BAIAP2L1: variants seen among roughly 807,000 people sequenced by gnomAD.
BAIAP2L1 encodes the protein BAR/IMD domain containing adaptor protein 2 like 1.
A neutral mutation model predicts 66.3 loss-of-function variants in BAIAP2L1; 35 were observed. That is an observed-to-expected ratio of 0.53 (90% CI 0.40 to 0.70). The LOEUF is 0.70. Among genes scored for constraint, BAIAP2L1 ranks in the 30% least tolerant of loss-of-function variants. BAIAP2L1 has a pLI of 0.00. For synonymous variants in BAIAP2L1, 269 were observed against 248.7 expected, an observed-to-expected ratio of 1.08 and a Z score of -0.77; for missense variants, 622 against 656.9, an observed-to-expected ratio of 0.95 and a Z score of 0.58.
intron 3 of BAIAP2L1, among the ~76,000 whole-genome samples, chr7:98,346,045 T>C (rs1475225381): frequency 6.6e-6 from 1 of 152,216 alleles, no homozygotes; most frequent in Non-Finnish European, 1.5e-5. Context: ...GAAAATATCC[T>C]AAAGTTAATT....
At chr7:98,308,813 G>C (rs1800762956) in intron 9 of BAIAP2L1, 1 of 153,972 alleles carries the variant, frequency 6.5e-6, no homozygotes, top group South Asian at 2.0e-4. Context: ...AAGTAGCTGG[G>C]ACTACAGGCA....
intron 3 of BAIAP2L1, among the ~76,000 whole-genome samples, chr7:98,329,075 AAC>A (rs1369555771): frequency 6.6e-6 from 1 of 152,212 alleles, no homozygotes; most frequent in African/African-American, 2.4e-5. Context: ...TCCATCAGAG[AAC>A]ACACACATCT....
chr7:98,398,381 T>C (rs1355353583), intron 1 of BAIAP2L1, among the ~76,000 whole-genome samples: 1 of 152,124 alleles, frequency 6.6e-6, no homozygotes, highest in East Asian at 1.9e-4. Flanking sequence ...CACTTTGCAC[T>C]GCCAAAGCCA....
intron 3 of BAIAP2L1, among the ~76,000 whole-genome samples, chr7:98,334,614 G>A (rs1054142816): frequency 1.3e-5 from 2 of 151,734 alleles, no homozygotes; most frequent in Non-Finnish European, 1.5e-5. Context: ...GCACGACCTC[G>A]GCTCACTGCA....
chr7:98,302,114 C>T (rs1800453762), intron 12 of BAIAP2L1, among the ~76,000 whole-genome samples: 1 of 152,222 alleles, frequency 6.6e-6, no homozygotes, highest in Non-Finnish European at 1.5e-5. Context: ...GTCACCTTTC[C>T]ACTCCCCAGT....
At chr7:98,387,439 CG>C (rs771426508) in intron 1 of BAIAP2L1, among the ~76,000 whole-genome samples, 36 of 152,300 alleles carry the variant, frequency 2.4e-4, no homozygotes, top group Admixed American at 9.2e-4. Context: ...ATTACTGACA[CG>C]ATCTCAGTGC....
At chr7:98,329,198 G>A (rs548201258) in intron 3 of BAIAP2L1, among the ~76,000 whole-genome samples, 1 of 152,112 alleles carries the variant, frequency 6.6e-6, no homozygotes, top group Non-Finnish European at 1.5e-5. Context: ...CTAAACAAAT[G>A]GAAACAAGCT....
chr7:98,311,546 CAAAAAAAATA>C (rs764549105), intron 8 of BAIAP2L1, among the ~76,000 whole-genome samples: 1 of 147,926 alleles, frequency 6.8e-6, no homozygotes, highest in Non-Finnish European at 1.5e-5. Flanking sequence ...GTCTCAAAAA[CAAAAAAAATA>C]AAAAAAAAAC....
intron 3 of BAIAP2L1, among the ~76,000 whole-genome samples, chr7:98,344,292 T>G (rs563849510): frequency 7.2e-5 from 11 of 152,226 alleles, no homozygotes; most frequent in Admixed American, 2.0e-4. Flanking sequence ...CAAAATGAAA[T>G]TGAAAGGTTT....
At chr7:98,380,897 C>A (rs1273330266) in intron 1 of BAIAP2L1, among the ~76,000 whole-genome samples, 1 of 147,636 alleles carries the variant, frequency 6.8e-6, no homozygotes, top group African/African-American at 2.5e-5. Flanking sequence ...TATGGAATGG[C>A]CACAAAGATG....
At chr7:98,304,053 C>A in intron 12 of BAIAP2L1, 143 bp downstream of exon 12, 1 of 810,252 alleles carries the variant, frequency 1.2e-6, no homozygotes, top group Non-Finnish European at 1.8e-6. Context: ...TCAAAGGCAG[C>A]AAGTCCCCTC....
chr7:98,400,471 G>T, intron 1 of BAIAP2L1: 1 of 371,866 alleles, frequency 2.7e-6, no homozygotes, highest in Non-Finnish European at 4.8e-6. Flanking sequence ...GGGCAGGGGA[G>T]GAGGGAGAGT....
At chr7:98,396,328 CAA>C (rs1448599752) in intron 1 of BAIAP2L1, among the ~76,000 whole-genome samples, 1 of 152,148 alleles carries the variant, frequency 6.6e-6, no homozygotes, top group African/African-American at 2.4e-5. Flanking sequence ...CTTGACCCCC[CAA>C]AGTGCTGGGA....
intron 3 of BAIAP2L1, among the ~76,000 whole-genome samples, chr7:98,330,686 G>C (rs1191046632): frequency 1.3e-5 from 2 of 152,092 alleles, no homozygotes; most frequent in African/African-American, 4.8e-5. Context: ...AAAAATAAAG[G>C]AGGTTTATTT....
rs1047709133 is a variant in BAIAP2L1, at chr7:98,294,672, G to A, written c.1423-561C>T. Among the ~76,000 whole-genome samples, 10 of 152,352 alleles carry A rather than the reference G, an allele frequency of 6.6e-5. No individual in the cohort carries two copies. The East Asian group carries it at 1.2e-3, about 18-fold the overall frequency. On this transcript the variant is annotated intron_variant, in intron 12 of 13. Coordinates refer to ENST00000005260, the MANE Select transcript of BAIAP2L1 (RefSeq NM_018842.5). ...GGTCCTCAGCCACGGTCTTTTGAACGCAGAATCTAGTGACTGGGATGTGCT... is the reference window on the plus strand; with the variant it reads ...GGTCCTCAGCCACGGTCTTTTGAACACAGAATCTAGTGACTGGGATGTGCT...
At chr7:98,323,885 A>G (rs960713478) in intron 3 of BAIAP2L1, among the ~76,000 whole-genome samples, 3 of 152,138 alleles carry the variant, frequency 2.0e-5, no homozygotes, top group Non-Finnish European at 2.9e-5. Flanking sequence ...AGATGAAAAC[A>G]CCCTTTATGT....
intron 3 of BAIAP2L1, among the ~76,000 whole-genome samples, chr7:98,337,336 A>C (rs1042740232): frequency 5.9e-5 from 9 of 151,998 alleles, no homozygotes; most frequent in African/African-American, 2.2e-4. Context: ...GGTTCAAGCA[A>C]TTCTCCTGCC....
At chr7:98,310,663 G>GTTT (rs1278404391) in intron 8 of BAIAP2L1, 71 bp from the exon 9 acceptor site, 17 of 936,984 alleles carry the variant, frequency 1.8e-5, no homozygotes, top group Admixed American at 3.7e-5. Context: ...TCCCAAGGCT[G>GTTT]TTTTTTTTTT....
In BAIAP2L1 at chr7:98,331,555, G is replaced by A. The variant is rs547561213; in HGVS notation, c.215-11257C>T. Among the ~76,000 whole-genome samples the A allele has an allele frequency of 3.6e-3, 496 of 137,642 alleles. 2 individuals are homozygous for A. Among genetic ancestry groups the A allele is most frequent in the African/African-American group, 0.012 (458 of 37,082 alleles). The allele number at this position is 137,642 out of a possible 152,430, so 90.3% of individuals were successfully genotyped here. A position where few individuals can be genotyped will look rare whatever the true frequency, so the allele number is the denominator to read the frequency against. ...GTGATCTCGGCTCACCGTGACCTCCGCCTCCCGAGTTCAAGCGATTCTCCT... is the reference window on the plus strand; with the variant it reads ...GTGATCTCGGCTCACCGTGACCTCCACCTCCCGAGTTCAAGCGATTCTCCT... On this transcript the variant is annotated intron_variant, in intron 3 of 13. Transcript: ENST00000005260.
Sources: gnomAD v4.1 joint callset for allele counts (sites outside exome capture counted in the v4.1 genomes callset) on GRCh38, gnomAD v4.1.1 for gene constraint, MANE v1.5 for transcripts, NCBI Gene and HGNC (gene_info 2026-07-23, HGNC 2026-07-21) for gene names.